The following NCAM2 variants were observed in gnomAD, a reference collection of about 807,000 sequenced individuals.
NCAM2 encodes the protein neural cell adhesion molecule 2, also known as N-CAM-2.
NCAM2 carries 30 observed loss-of-function variants against 98.1 expected under a neutral mutation model. The observed-to-expected ratio is 0.31, with a 90% CI of 0.23 to 0.41. The LOEUF is 0.41. Among genes scored for constraint, NCAM2 ranks in the 10% least tolerant of loss-of-function variants. The pLI is 1.00. For missense variants in NCAM2, 867 were observed against 1,005.8 expected (o/e 0.86, Z 1.87); for synonymous variants, 368 against 342.4 (o/e 1.07, Z -0.83).
chr21:21,445,002 A>C (rs1718090908), intron 12 of NCAM2, among the ~76,000 whole-genome samples: 1 of 152,134 alleles, frequency 6.6e-6, no homozygotes, highest in African/African-American at 2.4e-5. Flanking sequence ...ACATTGCTTT[A>C]GCTGTGTCCT....
chr21:21,155,684 G>T (rs904171838), intron 1 of NCAM2, among the ~76,000 whole-genome samples: 1 of 151,754 alleles, frequency 6.6e-6, no homozygotes, highest in African/African-American at 2.4e-5. Flanking sequence ...AGAAACTATG[G>T]TTATATACAG....
chr21:21,058,714 A>G (rs1368834643), intron 1 of NCAM2, among the ~76,000 whole-genome samples: 3 of 150,758 alleles, frequency 2.0e-5, no homozygotes, highest in African/African-American at 7.3e-5. Flanking sequence ...TGACCCATTG[A>G]GTCATGTAGA....
intron 16 of NCAM2, among the ~76,000 whole-genome samples, chr21:21,510,734 A>AT (rs1044668685): frequency 1.1e-4 from 11 of 102,626 alleles, no homozygotes; most frequent in South Asian, 4.1e-4. Context: ...AATATATATC[A>AT]TTTTTTACAT....
chr21:21,514,362 G>A (rs1988581467), intron 16 of NCAM2, among the ~76,000 whole-genome samples: 1 of 150,074 alleles, frequency 6.7e-6, no homozygotes, highest in African/African-American at 2.5e-5. Flanking sequence ...TGTAATCCCA[G>A]CTACTCGGGA....
At chr21:21,495,303 G>A (rs1234347715) in intron 15 of NCAM2, among the ~76,000 whole-genome samples, 1 of 151,638 alleles carries the variant, frequency 6.6e-6, no homozygotes, top group African/African-American at 2.4e-5. Context: ...ATATATAAGG[G>A]GCTGAGTCTA....
chr21:21,220,539 C>T (rs1417018458), intron 1 of NCAM2, among the ~76,000 whole-genome samples: 1 of 152,128 alleles, frequency 6.6e-6, no homozygotes, highest in African/African-American at 2.4e-5. Context: ...CCTAAGGACA[C>T]ATTTTCCAGA....
intron 1 of NCAM2, among the ~76,000 whole-genome samples, chr21:21,119,015 A>G (rs780445895): frequency 2.0e-5 from 3 of 151,916 alleles, no homozygotes; most frequent in Non-Finnish European, 2.9e-5. Context: ...TTTTTGTTTT[A>G]TGGTTTCTTT....
chr21:21,505,946 G>A (rs1030971644), intron 15 of NCAM2, among the ~76,000 whole-genome samples: 10 of 151,772 alleles, frequency 6.6e-5, no homozygotes, highest in Non-Finnish European at 1.3e-4. Context: ...CAGTCTGAGA[G>A]ATACTAGATG....
intron 1 of NCAM2, among the ~76,000 whole-genome samples, chr21:21,268,592 A>G (rs890200861): frequency 6.6e-6 from 1 of 152,114 alleles, no homozygotes; most frequent in Non-Finnish European, 1.5e-5. Context: ...TTCTTTCAAT[A>G]TGTGGAAAAC....
At chr21:21,327,300 C>CT (rs2074543823) in intron 6 of NCAM2, among the ~76,000 whole-genome samples, 1 of 89,082 alleles carries the variant, frequency 1.1e-5, no homozygotes, top group Non-Finnish European at 1.9e-5. Context: ...GAGCAAGACT[C>CT]TGTCTCAAAA....
chr21:21,074,220 A>G (rs2065631289), intron 1 of NCAM2, among the ~76,000 whole-genome samples: 1 of 152,040 alleles, frequency 6.6e-6, no homozygotes, highest in African/African-American at 2.4e-5. Context: ...TTTAATATCA[A>G]TTTAGTCTTA....
intron 1 of NCAM2, among the ~76,000 whole-genome samples, chr21:21,190,880 A>C (rs2068799104): frequency 6.6e-6 from 1 of 152,188 alleles, no homozygotes; most frequent in Non-Finnish European, 1.5e-5. Context: ...TAGCATATGT[A>C]AAGCATATGT....
At chr21:21,342,621 A>G (rs2075074784) in intron 8 of NCAM2, among the ~76,000 whole-genome samples, 2 of 152,144 alleles carry the variant, frequency 1.3e-5, no homozygotes, top group Admixed American at 6.6e-5. Context: ...CTACTCTGAC[A>G]TAGTCTTGGA....
chr21:21,005,120 T>C (rs1202690927), intron 1 of NCAM2, among the ~76,000 whole-genome samples: 2 of 152,310 alleles, frequency 1.3e-5, no homozygotes, highest in East Asian at 1.9e-4. Flanking sequence ...AAGTGGAAGA[T>C]AGAGTGACCT....
In NCAM2 at chr21:21,539,710, T is replaced by C. The variant is rs2826893; in HGVS notation, c.*1753T>C. On this transcript the variant is annotated 3_prime_UTR_variant, in exon 18 of 18. Transcript: ENST00000400546. ...AGGGTTAAATGCGGGAATCTCTCCT[T>C]GCGTTCCTGTCTGGCGTATTCTGAA... 0.47 allele frequency: 72,165 copies of C among 152,002 alleles called. 17,610 individuals carry two copies. The highest frequency in any genetic ancestry group is 0.53 in the African/African-American group (22,143 of 41,446). 9.4% of individuals were successfully genotyped at this position (152,002 alleles called of 1,614,324 possible).
chr21:21,190,180 G>C (rs1034742926), intron 1 of NCAM2, among the ~76,000 whole-genome samples: 4 of 152,188 alleles, frequency 2.6e-5, no homozygotes, highest in East Asian at 1.9e-4. Flanking sequence ...AGAAGTGGGG[G>C]AGAAACCACT....
intron 1 of NCAM2, among the ~76,000 whole-genome samples, chr21:21,074,167 A>G (rs1032309468): frequency 5.3e-5 from 8 of 152,242 alleles, no homozygotes; most frequent in Admixed American, 2.0e-4. Context: ...ATTTCCAAGT[A>G]TGCTATATTT....
At chr21:21,282,785 C>T (rs1385156031) in intron 2 of NCAM2, among the ~76,000 whole-genome samples, 1 of 151,476 alleles carries the variant, frequency 6.6e-6, no homozygotes, top group East Asian at 1.9e-4. Context: ...TACAAATAGT[C>T]CAGCCTTATC....
chr21:21,072,698 T>A (rs948053823), intron 1 of NCAM2, among the ~76,000 whole-genome samples: 2 of 152,174 alleles, frequency 1.3e-5, no homozygotes, highest in African/African-American at 4.8e-5. Context: ...CCATTATTAG[T>A]GTAACTTGCC....
Sources: allele counts gnomAD v4.1 joint callset (sites outside exome capture counted in the v4.1 genomes callset), GRCh38; gene constraint gnomAD v4.1.1; transcripts MANE v1.5; gene names NCBI Gene and HGNC (gene_info 2026-07-23, HGNC 2026-07-21).